The following CELF1 variants were observed in gnomAD, a reference collection of about 807,000 sequenced individuals.
CELF1 encodes 50 kDa nuclear polyadenylated RNA-binding protein.
Under a neutral mutation model 61.8 loss-of-function variants are expected in CELF1, and 10 were observed. The ratio of observed to expected loss-of-function variants is 0.16; its 90% confidence interval spans 0.10 to 0.27. CELF1 has a LOEUF of 0.27. Ranked by LOEUF, CELF1 falls within the 10% of genes least tolerant of loss-of-function variation. The pLI is 1.00. For synonymous variants in CELF1, 236 were observed against 225.1 expected, an observed-to-expected ratio of 1.05 and a Z score of -0.43; for missense variants, 380 against 639.1, an observed-to-expected ratio of 0.59 and a Z score of 4.37.
At chr11:47,537,046 A>T (rs1322844769) in intron 1 of CELF1, among the ~76,000 whole-genome samples, 1 of 152,052 alleles carries the variant, frequency 6.6e-6, no homozygotes, top group Non-Finnish European at 1.5e-5. Context: ...TATTTCCTTG[A>T]TTTTATTTGG....
intron 7 of CELF1, 68 bp downstream of exon 7, chr11:47,484,321 A>G: frequency 6.4e-7 from 1 of 1,554,642 alleles, no homozygotes; most frequent in East Asian, 2.2e-5. Flanking sequence ...TGTCTCCAAA[A>G]AAAAAAAAAC....
chr11:47,515,649 C>T (rs887298828), intron 1 of CELF1, among the ~76,000 whole-genome samples: 5 of 152,190 alleles, frequency 3.3e-5, no homozygotes, highest in Non-Finnish European at 5.9e-5. Context: ...CTTGATGTCT[C>T]TTGCGGAGTC....
intron 14 of CELF1, 84 bp downstream of exon 14, chr11:47,473,004 A>G (rs1297434267): frequency 1.4e-6 from 2 of 1,479,414 alleles, no homozygotes; most frequent in Non-Finnish European, 1.8e-6. Flanking sequence ...ACAAACTCAT[A>G]TTCAGATCTT....
rs1565751988 is a variant in CELF1 at position 47,477,440 on chromosome 11, G to GCA, written c.845-17_845-16dup. ...TGCATTCAACCCTACAACATCCAAA[G>GCA]CAAGAGATTAGCCAGCAGATAAGGG... On this transcript the variant is annotated splice_polypyrimidine_tract_variant and intron_variant, in intron 10 of 14. Coordinates refer to ENST00000687097, the MANE Select transcript of CELF1 (RefSeq NM_001376376.1). The GCA allele has an allele frequency of 6.2e-7, 1 of 1,612,138 alleles. No individual in the cohort carries two copies. Among genetic ancestry groups the GCA allele is most frequent in the East Asian group, 2.2e-5 (1 of 44,848 alleles).
In CELF1 at chr11:47,467,927, C is replaced by T. The variant is rs372536437; in HGVS notation, c.*4303G>A. 1 of 152,060 alleles carries T rather than the reference C, an allele frequency of 6.6e-6. No individual in the cohort carries two copies. Among genetic ancestry groups the T allele is most frequent in the Non-Finnish European group, 1.5e-5 (1 of 68,006 alleles). 9.4% of individuals were successfully genotyped at this position (152,060 alleles called of 1,614,324 possible). A position where few individuals can be genotyped will look rare whatever the true frequency, so the allele number is the denominator to read the frequency against. ...CAGCTTCTTTGAAACCCTTTTAAAT[C>T]GATCAGTTTTTGCACAAACTATAGA... is the stretch of plus-strand genomic sequence containing the variant. On this transcript the variant is annotated 3_prime_UTR_variant, in exon 15 of 15. Transcript: ENST00000687097.
intron 1 of CELF1, among the ~76,000 whole-genome samples, chr11:47,527,956 C>T (rs1333095188): frequency 2.0e-5 from 3 of 151,940 alleles, no homozygotes; most frequent in Non-Finnish European, 2.9e-5. Flanking sequence ...ATTAGCTGGG[C>T]GTGGTGGTGC....
intron 1 of CELF1, among the ~76,000 whole-genome samples, chr11:47,525,788 AGAG>A (rs2153671030): frequency 6.6e-6 from 1 of 152,314 alleles, no homozygotes; most frequent in East Asian, 1.9e-4. Flanking sequence ...ATACACATTA[AGAG>A]AAGAGAGGCT....
intron 1 of CELF1, among the ~76,000 whole-genome samples, chr11:47,501,322 CAGA>C (rs35189700): frequency 0.28 from 42,365 of 152,010 alleles, 6,910 homozygotes; most frequent in Middle Eastern, 0.37. Flanking sequence ...GCCTGTCAGG[CAGA>C]AGATGGTAAC....
chr11:47,562,587 T>A (rs2097229862), intron 2 of CELF1, among the ~76,000 whole-genome samples: 1 of 148,814 alleles, frequency 6.7e-6, no homozygotes, highest in Non-Finnish European at 1.5e-5. Context: ...TATGACTCCA[T>A]TTATTTGAAA....
chr11:47,556,529 G>C (rs995088514), upstream of CELF1, among the ~76,000 whole-genome samples: 1 of 152,128 alleles, frequency 6.6e-6, no homozygotes, highest in Admixed American at 6.6e-5. Flanking sequence ...AAATGAGATT[G>C]ATAAATTATG....
At chr11:47,534,221 G>C (rs939270089) in intron 1 of CELF1, among the ~76,000 whole-genome samples, 1 of 150,484 alleles carries the variant, frequency 6.6e-6, no homozygotes, top group South Asian at 2.1e-4. Context: ...GTAGAGATGG[G>C]GTTTCACCAC....
At chr11:47,497,480 C>A (rs1228915183) in intron 3 of CELF1, among the ~76,000 whole-genome samples, 1 of 152,170 alleles carries the variant, frequency 6.6e-6, no homozygotes, top group Non-Finnish European at 1.5e-5. Context: ...GTACTTCAGG[C>A]CCAACACTGA....
intron 3 of CELF1, chr11:47,495,990 A>T (rs1339350612): frequency 1.0e-6 from 1 of 985,290 alleles, no homozygotes; most frequent in Non-Finnish European, 1.2e-6. Flanking sequence ...TGCATTCCAA[A>T]CTTCTGCTAC....
chr11:47,563,095 A>C (rs2097231758), intron 2 of CELF1, among the ~76,000 whole-genome samples: 1 of 152,200 alleles, frequency 6.6e-6, no homozygotes, highest in South Asian at 2.1e-4. Flanking sequence ...ACACGTCTGT[A>C]GTCTCAACTC....
intron 1 of CELF1, among the ~76,000 whole-genome samples, chr11:47,511,975 A>G (rs146353621): frequency 6.6e-6 from 1 of 151,972 alleles, no homozygotes; most frequent in South Asian, 2.1e-4. Flanking sequence ...CAGCCTCCCA[A>G]GCAGCTAGGA....
At chr11:47,490,299 CT>C (rs1463082960) in intron 3 of CELF1, among the ~76,000 whole-genome samples, 1 of 152,050 alleles carries the variant, frequency 6.6e-6, no homozygotes, top group Non-Finnish European at 1.5e-5. Flanking sequence ...GAACATTTAT[CT>C]AAACCATTAA....
At chr11:47,505,031 A>G (rs1265556950) in intron 1 of CELF1, among the ~76,000 whole-genome samples, 1 of 151,376 alleles carries the variant, frequency 6.6e-6, no homozygotes, top group Non-Finnish European at 1.5e-5. Flanking sequence ...TACTGAAAGG[A>G]TATGACAAAA....
upstream of CELF1, among the ~76,000 whole-genome samples, chr11:47,554,041 C>G (rs2097194484): frequency 6.6e-6 from 1 of 152,074 alleles, no homozygotes; most frequent in Non-Finnish European, 1.5e-5. Context: ...ATGCAAATAA[C>G]TCATGGGATG....
intron 1 of CELF1, among the ~76,000 whole-genome samples, chr11:47,540,011 T>G (rs768171627): frequency 4.7e-4 from 72 of 152,196 alleles, no homozygotes; most frequent in Non-Finnish European, 1.2e-4. Context: ...CAAAGTGATT[T>G]GCCCAGCTTG....
Sources: gnomAD v4.1 joint callset for allele counts (sites outside exome capture counted in the v4.1 genomes callset) on GRCh38, gnomAD v4.1.1 for gene constraint, MANE v1.5 for transcripts, NCBI Gene and HGNC (gene_info 2026-07-23, HGNC 2026-07-21) for gene names.